Variants in PYY observed in about 807,000 individuals in gnomAD.
PYY encodes the protein peptide YY, also known as peptide tyrosine tyrosine.
In PYY, 12 loss-of-function variants were observed where a neutral mutation model predicts 10.3. That is an observed-to-expected ratio of 1.17 (90% CI 0.75 to 1.89). The LOEUF is 1.89. Among genes scored for constraint, PYY ranks in the 40% most tolerant of loss-of-function variants. The probability of loss-of-function intolerance (pLI) is 0.00; values close to 1 mark genes in which losing one functional copy is unlikely to be tolerated. For missense variants in PYY, 141 were observed against 134.0 expected (o/e 1.05, Z -0.26); for synonymous variants, 66 against 62.0 (o/e 1.06, Z -0.30).
chr17:44,004,310 C>T (rs2143977279), intron 1 of PYY: 1 of 183,460 alleles, frequency 5.5e-6, no homozygotes, highest in East Asian at 1.3e-4. Context: ...TGCTCAAAGC[C>T]ACCTACAGTC....
chr17:43,974,467 G>A (rs2048816019), intron 1 of PYY, among the ~76,000 whole-genome samples: 1 of 152,068 alleles, frequency 6.6e-6, no homozygotes, highest in Non-Finnish European at 1.5e-5. Flanking sequence ...TGTGTCAATT[G>A]TTCACCCAGT....
At chr17:43,992,188 AT>A (rs1480969656) in intron 1 of PYY, among the ~76,000 whole-genome samples, 4 of 152,208 alleles carry the variant, frequency 2.6e-5, no homozygotes, top group African/African-American at 9.7e-5. Flanking sequence ...CTTCAAAAAA[AT>A]ATTTCAACAA....
intron 2 of PYY, among the ~76,000 whole-genome samples, chr17:43,960,773 C>T (rs1028095264): frequency 1.3e-5 from 2 of 151,392 alleles, no homozygotes; most frequent in African/African-American, 4.9e-5. Context: ...TTGCTTGAAC[C>T]CAGGAGGCGG....
chr17:43,963,129 C>T (rs1221156136), intron 2 of PYY, among the ~76,000 whole-genome samples: 1 of 152,166 alleles, frequency 6.6e-6, no homozygotes, highest in Non-Finnish European at 1.5e-5. Flanking sequence ...AAGCCTCCTT[C>T]TGAAAATTCA....
intron 1 of PYY, among the ~76,000 whole-genome samples, chr17:44,002,324 G>A (rs2049033931): frequency 6.6e-6 from 1 of 152,162 alleles, no homozygotes; most frequent in Admixed American, 6.5e-5. Flanking sequence ...CCCCAAAAAG[G>A]CAGAGCCCCA....
chr17:43,955,991 A>T (rs1243660042), upstream of PYY, among the ~76,000 whole-genome samples: 1 of 151,858 alleles, frequency 6.6e-6, no homozygotes, highest in Admixed American at 6.6e-5. Context: ...CTGGTAGGGG[A>T]TTTCTAGTGC....
intron 1 of PYY, among the ~76,000 whole-genome samples, chr17:43,995,875 G>A (rs2048989136): frequency 6.7e-6 from 1 of 148,712 alleles, no homozygotes; most frequent in Non-Finnish European, 1.5e-5. Context: ...AGGCATGCAG[G>A]CGGCGACAGT....
At chr17:43,988,898 G>T (rs1486708796) in intron 1 of PYY, among the ~76,000 whole-genome samples, 1 of 151,730 alleles carries the variant, frequency 6.6e-6, no homozygotes, top group Non-Finnish European at 1.5e-5. Context: ...GAATAGCTGG[G>T]ATTACAGGCA....
chr17:43,993,863 T>TATC (rs1220763446), intron 1 of PYY, among the ~76,000 whole-genome samples: 1 of 151,830 alleles, frequency 6.6e-6, no homozygotes, highest in Admixed American at 6.6e-5. Flanking sequence ...TTATTATTAT[T>TATC]ATTATTTTGA....
rs934902518 is a variant in PYY at position 43,993,625 on chromosome 17, T to TA, written c.-463+10765dup. Among the ~76,000 whole-genome samples the TA allele has an allele frequency of 2.3e-3, 326 of 142,438 alleles. 1 individual carries two copies. The highest frequency in any genetic ancestry group is 3.6e-3 in the Middle Eastern group (1 of 280). The allele number at this position is 142,438 out of a possible 152,430, so 93.4% of individuals were successfully genotyped here. ...TGGGCAACAGAGTGAGACTCTGTCT[T>TA]AAAAAAAAAAAAATGCTGTGACATA... is the stretch of plus-strand genomic sequence containing the variant. On this transcript the variant is annotated intron_variant, in intron 1 of 6. Coordinates refer to the PYY transcript ENST00000360085.
intron 1 of PYY, among the ~76,000 whole-genome samples, chr17:43,972,191 T>TTTAA (rs1555617855): frequency 7.2e-6 from 1 of 138,204 alleles, no homozygotes; most frequent in Non-Finnish European, 1.5e-5. Flanking sequence ...TTTTATTTTA[T>TTTAA]TTTATTTATT....
At chr17:43,956,418 A>AC (rs3080280), upstream of PYY, among the ~76,000 whole-genome samples, 32 of 150,396 alleles carry the variant, frequency 2.1e-4, no homozygotes, top group East Asian at 2.9e-3. Flanking sequence ...GGGCTCAGCC[A>AC]CCCCCCGATC....
exon 1 of PYY, chr17:44,004,414 C>A (rs964741163): frequency 1.0e-5 from 4 of 381,928 alleles, no homozygotes; most frequent in Non-Finnish European, 1.8e-5. Context: ...TAAAGACAAC[C>A]CGCCACATTT....
intron 1 of PYY, among the ~76,000 whole-genome samples, chr17:43,997,733 C>T (rs914244134): frequency 2.0e-5 from 3 of 152,008 alleles, no homozygotes; most frequent in African/African-American, 7.3e-5. Flanking sequence ...TAGAAAAATC[C>T]ACCCCTTACG....
At chr17:43,992,896 TG>T (rs2048967224) in intron 1 of PYY, among the ~76,000 whole-genome samples, 2 of 144,176 alleles carry the variant, frequency 1.4e-5, no homozygotes, top group African/African-American at 5.1e-5. Flanking sequence ...GGGGGAGGAT[TG>T]TCAGAGGAAG....
chr17:43,979,257 T>C (rs1236556811), intron 1 of PYY, among the ~76,000 whole-genome samples: 1 of 152,232 alleles, frequency 6.6e-6, no homozygotes, highest in African/African-American at 2.4e-5. Flanking sequence ...TCAGAAGCCC[T>C]GGGCATGGGC....
chr17:43,969,651 T>C (rs1597848502), intron 1 of PYY, among the ~76,000 whole-genome samples: 1 of 151,842 alleles, frequency 6.6e-6, no homozygotes, highest in African/African-American at 2.4e-5. Flanking sequence ...ATAATTCCAA[T>C]GCCTTGGGAG....
At chr17:43,963,825 T>G (rs530849426) in intron 2 of PYY, among the ~76,000 whole-genome samples, 61 of 139,356 alleles carry the variant, frequency 4.4e-4, no homozygotes, top group African/African-American at 1.5e-3. Flanking sequence ...AAAAAAAAAA[T>G]TCTGATATGG....
chr17:43,960,355 C>T (rs2048702743), intron 2 of PYY, among the ~76,000 whole-genome samples: 1 of 151,002 alleles, frequency 6.6e-6, no homozygotes, highest in Non-Finnish European at 1.5e-5. Context: ...CCAGCCTGGC[C>T]AACATGGTGA....
Sources: allele counts gnomAD v4.1 joint callset (sites outside exome capture counted in the v4.1 genomes callset), GRCh38; gene constraint gnomAD v4.1.1; transcripts MANE v1.5; gene names NCBI Gene and HGNC (gene_info 2026-07-23, HGNC 2026-07-21).